Variants in FAR2 observed in about 807,000 individuals in gnomAD.
FAR2 encodes epididymis secretory protein Li 81.
FAR2 carries 19 observed loss-of-function variants against 56.0 expected under a neutral mutation model. The observed-to-expected ratio is 0.34, with a 90% CI of 0.24 to 0.50. The LOEUF (loss-of-function observed/expected upper bound fraction) is 0.50. FAR2 is among the 20% of genes least tolerant of loss of function. The pLI is 0.98. For missense variants in FAR2, 508 were observed against 642.2 expected (o/e 0.79, Z 2.26); for synonymous variants, 219 against 218.8 (o/e 1.00, Z -0.01).
At chr12:29,253,072 T>C (rs1458971877) in intron 1 of FAR2, among the ~76,000 whole-genome samples, 1 of 151,994 alleles carries the variant, frequency 6.6e-6, no homozygotes, top group Non-Finnish European at 1.5e-5. Flanking sequence ...CTGCAACTCT[T>C]CCCTGGGTCT....
At chr12:29,236,734 T>C (rs1469045563) in intron 1 of FAR2, among the ~76,000 whole-genome samples, 1 of 151,632 alleles carries the variant, frequency 6.6e-6, no homozygotes, top group African/African-American at 2.4e-5. Context: ...CAATTCCAGA[T>C]GAGATTTGGG....
intron 2 of FAR2, among the ~76,000 whole-genome samples, chr12:29,273,627 C>A (rs1286633518): frequency 6.6e-6 from 1 of 152,244 alleles, no homozygotes; most frequent in Non-Finnish European, 1.5e-5. Flanking sequence ...GCCCCTCCCC[C>A]AAGGAGCTCA....
In FAR2 at chr12:29,310,146, T is replaced by TG. The variant is rs142684725; in HGVS notation, c.769-878dup. ...ACTCTTTCTTCTACAAAAGTTCAGT[T>TG]GGGGTGAACGTTTAGTGACTTAGAA... is the stretch of plus-strand genomic sequence containing the variant. On this transcript the variant is annotated intron_variant, in intron 6 of 11. Transcript: ENST00000536681. 8.1e-3 allele frequency among the ~76,000 whole-genome samples: 1,227 copies of TG among 152,330 alleles called. 10 individuals carry two copies. Among genetic ancestry groups the TG allele is most frequent in the African/African-American group, 0.028 (1,165 of 41,566 alleles).
chr12:29,302,661 G>A (rs1239417433), intron 4 of FAR2, among the ~76,000 whole-genome samples: 5 of 152,146 alleles, frequency 3.3e-5, no homozygotes, highest in Admixed American at 6.6e-5. Context: ...CCATGTGTGC[G>A]CATGCATTTT....
At chr12:29,173,425 C>CT (rs1565681134) in intron 1 of FAR2, among the ~76,000 whole-genome samples, 1 of 152,106 alleles carries the variant, frequency 6.6e-6, no homozygotes, top group Non-Finnish European at 1.5e-5. Context: ...AAATTGCAAG[C>CT]TTTGCATAGT....
At chr12:29,305,386 C>T (rs989142435) in intron 4 of FAR2, among the ~76,000 whole-genome samples, 8 of 152,120 alleles carry the variant, frequency 5.3e-5, no homozygotes, top group Non-Finnish European at 1.0e-4. Context: ...GATCCTCCTT[C>T]CTCAGCCTCC....
At chr12:29,221,574 C>G (rs1290747930) in intron 1 of FAR2, among the ~76,000 whole-genome samples, 1 of 152,180 alleles carries the variant, frequency 6.6e-6, no homozygotes, top group African/African-American at 2.4e-5. Context: ...AATACCCCAT[C>G]TATTCGATTT....
At chr12:29,177,560 A>G (rs1436842675) in intron 1 of FAR2, among the ~76,000 whole-genome samples, 2 of 152,172 alleles carry the variant, frequency 1.3e-5, no homozygotes, top group Admixed American at 6.5e-5. Context: ...GTTTTCTCCG[A>G]CAGATGGAGA....
intron 9 of FAR2, among the ~76,000 whole-genome samples, chr12:29,319,056 T>G (rs1427085738): frequency 6.6e-6 from 1 of 151,774 alleles, no homozygotes; most frequent in Non-Finnish European, 1.5e-5. Context: ...AGTGGCGAGA[T>G]CTCAGCGCAC....
At chr12:29,310,351 A>G (rs1949326736) in intron 6 of FAR2, among the ~76,000 whole-genome samples, 1 of 152,368 alleles carries the variant, frequency 6.6e-6, no homozygotes, top group Non-Finnish European at 1.5e-5. Context: ...AATGTTGGAA[A>G]CATGCAAAGC....
intron 4 of FAR2, chr12:29,301,540 GT>G (rs1209482242): frequency 6.6e-6 from 1 of 152,174 alleles, no homozygotes; most frequent in Non-Finnish European, 1.5e-5. Context: ...TTAGGTCAAG[GT>G]AACTCCTCTT....
chr12:29,264,143 C>A (rs1356670970), intron 1 of FAR2, among the ~76,000 whole-genome samples: 1 of 152,062 alleles, frequency 6.6e-6, no homozygotes, highest in Non-Finnish European at 1.5e-5. Context: ...TGGAATTTAT[C>A]CAAGGGAGGC....
chr12:29,228,604 T>G (rs1254088694), intron 1 of FAR2, among the ~76,000 whole-genome samples: 1 of 152,162 alleles, frequency 6.6e-6, no homozygotes, highest in African/African-American at 2.4e-5. Flanking sequence ...TTGTTTGTTT[T>G]TACAGTCGAG....
chr12:29,308,709 C>CATATATAT lies in FAR2; in HGVS notation c.724-476_724-475insTATATATA, dbSNP rs1428996085. Among the ~76,000 whole-genome samples, 72 of 103,688 alleles carry CATATATAT rather than the reference C, an allele frequency of 6.9e-4. 2 individuals are homozygous for CATATATAT. The highest frequency in any genetic ancestry group is 1.7e-3 in the African/African-American group (40 of 23,136). The allele number at this position is 103,688 out of a possible 152,430, so 68.0% of individuals were successfully genotyped here. ...ACACAGACACACACACACACACACA[C>CATATATAT]ACACACACACATATATATATATATG... On this transcript the variant is annotated intron_variant, in intron 5 of 11. Transcript: ENST00000536681.
intron 10 of FAR2, among the ~76,000 whole-genome samples, chr12:29,332,307 C>A (rs888246401): frequency 2.0e-5 from 3 of 152,154 alleles, no homozygotes; most frequent in South Asian, 2.1e-4. Flanking sequence ...GAAATATATA[C>A]CAAGCCAACC....
At chr12:29,165,378 T>G (rs1281704419) in intron 1 of FAR2, among the ~76,000 whole-genome samples, 1 of 152,232 alleles carries the variant, frequency 6.6e-6, no homozygotes, top group African/African-American at 2.4e-5. Flanking sequence ...GCAAGACACT[T>G]TACAAAAAGT....
chr12:29,249,864 T>C (rs1948180118), intron 1 of FAR2, among the ~76,000 whole-genome samples: 1 of 152,204 alleles, frequency 6.6e-6, no homozygotes, highest in Non-Finnish European at 1.5e-5. Context: ...TCAAATTCCC[T>C]ACACCAATTT....
chr12:29,333,074 G>A lies in FAR2; in HGVS notation c.1385+347G>A, dbSNP rs944044155. The A allele has an allele frequency of 1.1e-5, 4 of 356,494 alleles. No individual in the cohort carries two copies. The Admixed American group carries it at 1.6e-4, about 14-fold the overall frequency. 22.1% of individuals were successfully genotyped at this position (356,494 alleles called of 1,614,324 possible). A position where few individuals can be genotyped will look rare whatever the true frequency, so the allele number is the denominator to read the frequency against. On this transcript the variant is annotated intron_variant, in intron 11 of 11. Coordinates refer to ENST00000536681, the MANE Select transcript of FAR2 (RefSeq NM_001271783.2). ...CATAATGGGATATAAATACCCAACA[G>A]GCAGGAGACCTGATTATGCTATTTA...
intron 1 of FAR2, among the ~76,000 whole-genome samples, chr12:29,177,026 C>T (rs569879363): frequency 2.0e-4 from 30 of 152,150 alleles, no homozygotes; most frequent in Non-Finnish European, 3.7e-4. Flanking sequence ...TGATCAACAC[C>T]GAGTGCTTAT....
Sources: allele counts gnomAD v4.1 joint callset (sites outside exome capture counted in the v4.1 genomes callset), GRCh38; gene constraint gnomAD v4.1.1; transcripts MANE v1.5; gene names NCBI Gene and HGNC (gene_info 2026-07-23, HGNC 2026-07-21).